GMEB2: variants seen among roughly 807,000 people sequenced by gnomAD.
GMEB2 encodes the protein glucocorticoid modulatory element-binding protein 2.
Under a neutral mutation model 45.7 loss-of-function variants are expected in GMEB2, and 7 were observed. The ratio of observed to expected loss-of-function variants is 0.15; its 90% CI spans 0.09 to 0.29. The LOEUF (loss-of-function observed/expected upper bound fraction) is 0.29. Ranked by LOEUF, GMEB2 falls within the 10% of genes least tolerant of loss-of-function variation. The pLI is 1.00. For synonymous variants in GMEB2, 322 were observed against 323.6 expected, an observed-to-expected ratio of 1.00 and a Z score of 0.05; for missense variants, 582 against 739.2, an observed-to-expected ratio of 0.79 and a Z score of 2.47.
At chr20:63,626,290 T>C (rs1373495993) in intron 1 of GMEB2, among the ~76,000 whole-genome samples, 6 of 143,588 alleles carry the variant, frequency 4.2e-5, no homozygotes, top group Non-Finnish European at 3.0e-5. Flanking sequence ...GCGGGTCGGG[T>C]GCCTGCGGGG....
rs377438007 is a variant in GMEB2, at chr20:63,619,475, C to A, written c.-57-21G>T. The A allele has an allele frequency of 1.4e-6, 2 of 1,468,416 alleles. No individual in the cohort carries two copies. Among genetic ancestry groups the A allele is most frequent in the East Asian group, 2.3e-5 (1 of 43,448 alleles). 91.0% of individuals were successfully genotyped at this position (1,468,416 alleles called of 1,614,324 possible). A position where few individuals can be genotyped will look rare whatever the true frequency, so the allele number is the denominator to read the frequency against. ...AAGTCCTGGAGGAAGCAAGGCAGGG[C>A]ACAGGGATGGAGTCATCTCCACATC... is the stretch of plus-strand genomic sequence containing the variant. On this transcript the variant is annotated intron_variant, in intron 1 of 9. Coordinates refer to ENST00000370077, the MANE Select transcript of GMEB2 (RefSeq NM_012384.5). The surrounding 1 kb of genome is among the most constrained non-coding windows in gnomAD (Gnocchi z 4.6).
intron 2 of GMEB2, among the ~76,000 whole-genome samples, chr20:63,607,226 C>A (rs1351882678): frequency 6.7e-6 from 1 of 148,162 alleles, no homozygotes; most frequent in African/African-American, 2.5e-5. Flanking sequence ...AGAAACATGC[C>A]CCTCTGACCC....
chr20:63,611,449 G>A (rs545507882), intron 2 of GMEB2, among the ~76,000 whole-genome samples: 3 of 152,116 alleles, frequency 2.0e-5, no homozygotes, highest in Admixed American at 2.0e-4. Context: ...CTGTCTCTAC[G>A]AAAAATACAA....
rs1366116247 is a variant in GMEB2, at chr20:63,604,773, C to G, written c.199G>C (p.Ala67Pro). Residue 67 changes from alanine (A) to proline (P), a missense_variant, in exon 3 of 10, where the codon GCC (alanine) becomes CCC (proline). This residue lies in a region of GMEB2 where 114 missense variants were observed against 123.4 expected (regional missense o/e 0.92). Transcript: ENST00000370077. ...AAAAAAAAFTASSQLKEAVLV... is the reference protein window; with the variant it reads ...AAAAAAAAFTPSSQLKEAVLV... ...ACGGCTTCCTTGAGCTGGGAGGAGG[C>G]TGTGAAGGCCGCGGCAGCTGCTGCC... The G allele has an allele frequency of 6.2e-7, 1 of 1,610,708 alleles. No individual in the cohort carries two copies. The highest frequency in any genetic ancestry group is 8.5e-7 in the Non-Finnish European group (1 of 1,176,974).
chr20:63,595,580 G>A, intron 6 of GMEB2, 30 bp downstream of exon 6: 2 of 1,564,014 alleles, frequency 1.3e-6, no homozygotes, highest in Non-Finnish European at 1.7e-6. Flanking sequence ...GGGTGGGGCT[G>A]GGTCAGGACG....
Position 63,592,676 on chromosome 20 carries a change from AGGGAAGGAGTGGGTTCAGT to A in GMEB2, c.692-25_692-7del, listed in dbSNP as rs1021276090. ...CCAGAAGGTAAATGTGTCATCTGTG[AGGGAAGGAGTGGGTTCAGT>A]GGGCAGGGAAAGTGCTGCTACACGG... is the stretch of plus-strand genomic sequence containing the variant. On this transcript the variant is annotated splice_region_variant and splice_polypyrimidine_tract_variant and intron_variant, in intron 7 of 9. Transcript: ENST00000370077. This position sits in a 1 kb window ranked among gnomAD's most constrained non-coding sequence, Gnocchi z 8.2. 5.6e-6 allele frequency: 9 copies of A among 1,612,430 alleles called. No individual in the cohort carries two copies. In the African/African-American group the frequency reaches 1.2e-4, roughly 22 times the overall value.
chr20:63,626,487 G>A (rs1601040798), intron 1 of GMEB2, among the ~76,000 whole-genome samples: 1 of 144,566 alleles, frequency 6.9e-6, no homozygotes, highest in Non-Finnish European at 1.5e-5. Flanking sequence ...TGGTCCTTGT[G>A]GGTCGCGTCC....
intron 4 of GMEB2, 113 bp from the exon 5 acceptor site, chr20:63,597,973 C>A: frequency 4.3e-6 from 3 of 700,094 alleles, no homozygotes; most frequent in Non-Finnish European, 7.9e-6. Flanking sequence ...CGCCACGGCA[C>A]GGCTCTGACC....
chr20:63,597,383 C>G (rs2083208086), intron 5 of GMEB2, among the ~76,000 whole-genome samples: 2 of 151,976 alleles, frequency 1.3e-5, no homozygotes, highest in African/African-American at 4.8e-5. Flanking sequence ...AGGCTGGTCT[C>G]AAACTCTTGG....
At chr20:63,595,216 C>T (rs1051907628) in intron 6 of GMEB2, among the ~76,000 whole-genome samples, 4 of 142,244 alleles carry the variant, frequency 2.8e-5, no homozygotes, top group Non-Finnish European at 4.6e-5. Context: ...GGAGCACAGG[C>T]GCGCAGTTCC....
chr20:63,600,837 T>C (rs546733111), intron 4 of GMEB2, among the ~76,000 whole-genome samples: 1 of 152,048 alleles, frequency 6.6e-6, no homozygotes, highest in South Asian at 2.1e-4. Context: ...TCCATGAGTG[T>C]CTGCTGTTTT....
chr20:63,626,286 C>A (rs77512702), intron 1 of GMEB2, among the ~76,000 whole-genome samples: 15 of 56,950 alleles, frequency 2.6e-4, no homozygotes, highest in Non-Finnish European at 5.1e-4. Flanking sequence ...CCCTGCGGGT[C>A]GGGTGCCTGC....
At chr20:63,618,268 C>T (rs2089623014) in intron 2 of GMEB2, among the ~76,000 whole-genome samples, 1 of 152,202 alleles carries the variant, frequency 6.6e-6, no homozygotes, top group Admixed American at 6.5e-5. Flanking sequence ...ACATGGCCAC[C>T]AGCTCTGTGG....
At chr20:63,616,322 T>C (rs1002651253) in intron 2 of GMEB2, among the ~76,000 whole-genome samples, 2 of 152,166 alleles carry the variant, frequency 1.3e-5, no homozygotes, top group Non-Finnish European at 2.9e-5. Context: ...CACACACCTA[T>C]AGTGCCAGCT....
chr20:63,617,812 C>T (rs1308529613), intron 2 of GMEB2, among the ~76,000 whole-genome samples: 1 of 151,024 alleles, frequency 6.6e-6, no homozygotes, highest in East Asian at 2.0e-4. Context: ...TGGGACTGGG[C>T]CTACCCCGAG....
intron 2 of GMEB2, among the ~76,000 whole-genome samples, chr20:63,605,292 G>A (rs544027742): frequency 3.9e-5 from 6 of 152,108 alleles, no homozygotes; most frequent in African/African-American, 1.2e-4. Context: ...CAGCAGTTTG[G>A]GAGGCCGAGG....
At chr20:63,621,236 G>A (rs1229729524) in intron 1 of GMEB2, among the ~76,000 whole-genome samples, 1 of 152,070 alleles carries the variant, frequency 6.6e-6, no homozygotes, top group Non-Finnish European at 1.5e-5. Flanking sequence ...AAGTGACCAG[G>A]GGCTGGGGGA....
At chr20:63,614,483 A>T (rs1282012482) in intron 2 of GMEB2, among the ~76,000 whole-genome samples, 1 of 152,210 alleles carries the variant, frequency 6.6e-6, no homozygotes. Context: ...CTCAGTGTCA[A>T]GGAAAAACAC....
intron 2 of GMEB2, among the ~76,000 whole-genome samples, chr20:63,608,143 C>T (rs867363227): frequency 1.3e-4 from 1 of 7,752 alleles, no homozygotes. Context: ...TAGAAACATG[C>T]CCCTCTGACC....
Sources: gnomAD v4.1 joint callset for allele counts (sites outside exome capture counted in the v4.1 genomes callset) on GRCh38, gnomAD v4.1.1 for gene constraint, gnomAD v4.1.1 regional missense constraint, Gnocchi (gnomAD v3.1) non-coding constraint, MANE v1.5 for transcripts, NCBI Gene and HGNC (gene_info 2026-07-23, HGNC 2026-07-21) for gene names.